The following MPI variants were observed in gnomAD, a reference collection of about 807,000 sequenced individuals.
The protein encoded by MPI is mannose-6-phosphate isomerase.
Under a neutral mutation model 40.1 loss-of-function variants are expected in MPI, and 33 were observed. The ratio of observed to expected loss-of-function variants is 0.82; its 90% CI spans 0.62 to 1.10. The LOEUF is 1.10. MPI is among the 50% of genes least tolerant of loss of function. The probability of loss-of-function intolerance (pLI) is 0.00; values close to 1 mark genes in which losing one functional copy is unlikely to be tolerated. For missense variants in MPI, 514 were observed against 524.1 expected (o/e 0.98, Z 0.19); for synonymous variants, 187 against 207.4 (o/e 0.90, Z 0.85).
intron 5 of MPI, 64 bp downstream of exon 5, chr15:74,893,384 G>T (rs779843936): frequency 6.4e-7 from 1 of 1,567,330 alleles, no homozygotes; most frequent in South Asian, 1.1e-5. Flanking sequence ...GCAGACACCA[G>T]ACTCTGGGGA....
Position 74,892,778 on chromosome 15 carries a change from G to A in MPI, c.463G>A (p.Glu155Lys), listed in dbSNP as rs759745815. The A allele has an allele frequency of 1.9e-6, 3 of 1,614,152 alleles. No homozygotes were observed. The highest frequency in any genetic ancestry group is 1.3e-5 in the African/African-American group (1 of 74,954). Residue 155 changes from glutamate (E) to lysine (K), a missense_variant, in exon 4 of 8, where the codon GAG (glutamate) becomes AAG (lysine). Glu to Lys is a moderately conservative substitution (Grantham distance 56, BLOSUM62 1). Transcript: ENST00000352410. ...FQGLCGFRPV[E>K]EIVTFLKKVP... ...GGGCTTGTGTGGCTTCCGGCCAGTTGAGGAGATTGTAACCTTTCTAAAGAG... is the reference window on the plus strand; with the variant it reads ...GGGCTTGTGTGGCTTCCGGCCAGTTAAGGAGATTGTAACCTTTCTAAAGAG...
In MPI at chr15:74,901,795, C is replaced by G. The variant is rs1367700437; in HGVS notation, c.*4065C>G. The G allele has an allele frequency of 3.6e-6, 1 of 274,592 alleles. No homozygotes were observed. The highest frequency in any genetic ancestry group is 6.7e-6 in the Non-Finnish European group (1 of 148,816). The allele number at this position is 274,592 out of a possible 1,614,324, so 17.0% of individuals were successfully genotyped here. ...TGGTAATAATAAAAACTGCAGGCTT[C>G]TGGGGCCAGCCCCAGTACCTTCGAC... On this transcript the variant is annotated 3_prime_UTR_variant, in exon 8 of 8. Coordinates refer to ENST00000352410, the MANE Select transcript of MPI (RefSeq NM_002435.3).
intron 2 of MPI, 171 bp downstream of exon 2, chr15:74,890,825 T>TCATA: frequency 1.1e-6 from 1 of 871,716 alleles, no homozygotes; most frequent in Middle Eastern, 2.3e-4. Flanking sequence ...AGAGGTTTTG[T>TCATA]CATAATAGGC....
intron 2 of MPI, chr15:74,891,014 T>C (rs1308251079): frequency 1.8e-6 from 1 of 567,460 alleles, no homozygotes; most frequent in African/African-American, 1.8e-5. Flanking sequence ...GGCTTTCGCC[T>C]CTGCTTCTGA....
In MPI at chr15:74,897,801, A is replaced by C. The variant is rs1236011771; in HGVS notation, c.*71A>C. The stretch of plus-strand genomic sequence containing the variant: ...CAGCCAACCTCACCTCCTCGGGCCC[A>C]GCTCAAGCCCCCTTCCTTGCTCTGG... On this transcript the variant is annotated 3_prime_UTR_variant, in exon 8 of 8. Transcript: ENST00000352410. 1 of 1,450,520 alleles carries C rather than the reference A, an allele frequency of 6.9e-7. No homozygotes were observed. Among genetic ancestry groups the C allele is most frequent in the East Asian group, 2.3e-5 (1 of 43,806 alleles). The allele number at this position is 1,450,520 out of a possible 1,614,324, so 89.9% of individuals were successfully genotyped here.
In MPI at chr15:74,897,109, A is replaced by G; in HGVS notation, c.943A>G (p.Thr315Ala). The G allele has an allele frequency of 6.2e-7, 1 of 1,614,112 alleles. No individual in the cohort carries two copies. The highest frequency in any genetic ancestry group is 8.5e-7 in the Non-Finnish European group (1 of 1,180,004). ...VPTLCEMLSYTPSSSKDRLFL... is the reference protein window; with the variant it reads ...VPTLCEMLSYAPSSSKDRLFL... ...AACCCTGTGTGAAATGCTCAGCTAT[A>G]CCCCTAGCTCCAGCAAGGACAGGCT... Residue 315 changes from threonine (T) to alanine (A), a missense_variant, in exon 7 of 8, where the codon ACC becomes GCC. Physicochemically the swap from Thr to Ala is moderately conservative, Grantham distance 58 (BLOSUM62 0). Transcript: ENST00000352410.
rs1340526588 is a variant in MPI, at chr15:74,900,944, T to C, written c.*3214T>C. ...ACTCACAGGATTACCATCGTAAGGA[T>C]GGTTGTCAGACAAATAACAAATAAG... On this transcript the variant is annotated 3_prime_UTR_variant, in exon 8 of 8. Transcript: ENST00000352410. 6.6e-6 allele frequency: 1 copy of C among 152,218 alleles called. No homozygotes were observed. The highest frequency in any genetic ancestry group is 1.5e-5 in the Non-Finnish European group (1 of 68,036). 9.4% of individuals were successfully genotyped at this position (152,218 alleles called of 1,614,324 possible).
Position 74,896,262 on chromosome 15 carries a change from A to G in MPI, c.781A>G (p.Thr261Ala), listed in dbSNP as rs2064816825. 1 of 1,614,100 alleles carries G rather than the reference A, an allele frequency of 6.2e-7. No individual in the cohort carries two copies. The highest frequency in any genetic ancestry group is 8.5e-7 in the Non-Finnish European group (1 of 1,180,002). ...CFAIYFLNLL[T>A]LKPGEAMFLE... is the part of the protein sequence containing the mutation. ...TGCCATCTACTTCCTGAACCTGCTT[A>G]CCCTGAAGCCTGGGGAGGCCATGTT... Residue 261 changes from threonine to alanine, a missense_variant, in exon 6 of 8, where the codon ACC (threonine) becomes GCC (alanine). Thr to Ala is a moderately conservative substitution (Grantham distance 58). Coordinates refer to ENST00000352410, the MANE Select transcript of MPI (RefSeq NM_002435.3).
Position 74,901,790 on chromosome 15 carries a change from G to T in MPI, c.*4060G>T, listed in dbSNP as rs1341496007. On this transcript the variant is annotated 3_prime_UTR_variant, in exon 8 of 8. Transcript: ENST00000352410. ...TCTGCTGGTAATAATAAAAACTGCAGGCTTCTGGGGCCAGCCCCAGTACCT... is the reference window on the plus strand; with the variant it reads ...TCTGCTGGTAATAATAAAAACTGCATGCTTCTGGGGCCAGCCCCAGTACCT... The T allele has an allele frequency of 3.8e-6, 1 of 265,302 alleles. No individual in the cohort carries two copies. Among genetic ancestry groups the T allele is most frequent in the Non-Finnish European group, 7.0e-6 (1 of 142,868 alleles). The allele number at this position is 265,302 out of a possible 1,614,324, so 16.4% of individuals were successfully genotyped here.
rs786204593 is a variant in MPI, at chr15:74,891,395, A to AC, written c.166dup (p.Arg56ProfsTer8). ...TCTTTCCAGTTGTGGATGGGGACTC[A>AC]CCCCCGAGGGGATGCCAAGATCCTT... On this transcript the variant is annotated frameshift_variant, in exon 3 of 8. Transcript: ENST00000352410. LOFTEE classifies it high-confidence loss of function. The AC allele has an allele frequency of 4.3e-6, 7 of 1,613,850 alleles. No homozygotes were observed. Among genetic ancestry groups the AC allele is most frequent in the Non-Finnish European group, 5.9e-6 (7 of 1,179,978 alleles).
At chr15:74,897,470 C>G in intron 7 of MPI, 42 bp from the exon 8 acceptor site, 2 of 1,590,722 alleles carry the variant, frequency 1.3e-6, no homozygotes, top group Non-Finnish European at 1.7e-6. Context: ...CTGATGAGAG[C>G]AGAGTCTGAG....
At chr15:74,890,680 C>T (rs976310269) in intron 2 of MPI, 26 bp downstream of exon 2, 5 of 1,611,900 alleles carry the variant, frequency 3.1e-6, no homozygotes, top group Non-Finnish European at 4.2e-6. Flanking sequence ...TATTTCAGCC[C>T]ACTTTACCCG....
intron 2 of MPI, 194 bp from the exon 3 acceptor site, chr15:74,891,185 C>T (rs551183693): frequency 2.6e-5 from 17 of 644,052 alleles, no homozygotes; most frequent in South Asian, 7.0e-5. Context: ...GGCTAGAGGC[C>T]GAGTCTGGAC....
chr15:74,891,459 T>C lies in MPI; in HGVS notation c.225T>C (p.Ile75=). ...RISQKTLSQW[I]AENQDSLGSK... Reference sequence around the variant, plus strand: ...CACAGAAGACCCTAAGCCAGTGGATTGCTGAGAACCAGGACAGCTTGGGCT... The same window carrying C: ...CACAGAAGACCCTAAGCCAGTGGATCGCTGAGAACCAGGACAGCTTGGGCT... Residue 75 remains isoleucine (I), a synonymous_variant, in exon 3 of 8, where the codon ATT becomes ATC. Coordinates refer to ENST00000352410, the MANE Select transcript of MPI (RefSeq NM_002435.3). 1.9e-6 allele frequency: 3 copies of C among 1,614,208 alleles called. No homozygotes were observed. The highest frequency in any genetic ancestry group is 2.5e-6 in the Non-Finnish European group (3 of 1,180,032).
rs765588005 is a variant in MPI, at chr15:74,899,164, T to C, written c.*1434T>C. On this transcript the variant is annotated 3_prime_UTR_variant, in exon 8 of 8. Transcript: ENST00000352410. ...ATCTCCTGATGCCCTGCTCCAGGGG[T>C]GGCACACACCTGCAAGAGGCTGTCG... 16 of 152,148 alleles carry C rather than the reference T, an allele frequency of 1.1e-4. No individual in the cohort carries two copies. Among genetic ancestry groups the C allele is most frequent in the Non-Finnish European group, 1.8e-4 (12 of 68,032 alleles). 9.4% of individuals were successfully genotyped at this position (152,148 alleles called of 1,614,324 possible).
intron 6 of MPI, chr15:74,896,642 A>C (rs2064822745): frequency 2.3e-5 from 14 of 611,444 alleles, no homozygotes; most frequent in Admixed American, 2.0e-4. Flanking sequence ...CAGCCTTTGT[A>C]TGTCTGTCCT....
chr15:74,893,335 A>C lies in MPI; in HGVS notation c.670+15A>C, dbSNP rs755454100. On this transcript the variant is annotated intron_variant, in intron 5 of 7. Transcript: ENST00000352410. Reference sequence around the variant, plus strand: ...CTCCCAGCAAGGTGGACACAGTTATATTCCTGGTTGGGTGCAATGCTCTGG... The same window carrying C: ...CTCCCAGCAAGGTGGACACAGTTATCTTCCTGGTTGGGTGCAATGCTCTGG... 1.6e-5 allele frequency: 26 copies of C among 1,613,940 alleles called. No homozygotes were observed. Among genetic ancestry groups the C allele is most frequent in the Non-Finnish European group, 1.9e-5 (22 of 1,179,898 alleles).
chr15:74,893,436 C>T, intron 5 of MPI, 116 bp downstream of exon 5: 1 of 1,197,666 alleles, frequency 8.3e-7, no homozygotes. Flanking sequence ...CTAAAAGGGG[C>T]CCCACTTAGA....
At position 74,892,697 on chromosome 15, in the gene MPI, C is replaced by T. The variant is rs151030809; in HGVS notation, c.382C>T (p.His128Tyr). The change falls in exon 4 of 8, where the codon CAC (histidine) becomes TAC (tyrosine). Residue 128 changes from histidine to tyrosine, a missense_variant. Coordinates refer to ENST00000352410, the MANE Select transcript of MPI (RefSeq NM_002435.3). ...AEKLHLQAPQ[H>Y]YPDANHKPEM... ...GAAGCTGCACCTCCAGGCTCCGCAG[C>T]ACTACCCCGATGCCAACCACAAGCC... is the stretch of plus-strand genomic sequence containing the variant. The T allele has an allele frequency of 6.1e-5, 98 of 1,614,146 alleles. No individual in the cohort carries two copies. Among genetic ancestry groups the T allele is most frequent in the Non-Finnish European group, 8.0e-5 (94 of 1,180,066 alleles).
Sources: gnomAD v4.1 joint callset for allele counts on GRCh38, gnomAD v4.1.1 for gene constraint, MANE v1.5 for transcripts, NCBI Gene and HGNC (gene_info 2026-07-23, HGNC 2026-07-21) for gene names.